Variants in KCND2 observed in about 807,000 individuals in gnomAD.
The protein encoded by KCND2 is potassium voltage-gated channel subfamily D member 2.
KCND2 carries 16 observed loss-of-function variants against 54.4 expected under a neutral mutation model. The observed-to-expected ratio is 0.29, with a 90% CI of 0.20 to 0.45. The LOEUF is 0.45. Ranked by LOEUF, KCND2 falls within the 20% of genes least tolerant of loss-of-function variation. The pLI is 1.00. For missense variants in KCND2, 486 were observed against 824.2 expected (o/e 0.59, Z 5.02); for synonymous variants, 317 against 310.7 (o/e 1.02, Z -0.21).
chr7:120,695,331 A>G (rs1293599412), intron 1 of KCND2, among the ~76,000 whole-genome samples: 3 of 152,120 alleles, frequency 2.0e-5, no homozygotes, highest in African/African-American at 7.2e-5. Flanking sequence ...AACAAAATGC[A>G]GAAAAAGTAT....
chr7:120,593,897 T>C (rs1028708583), intron 1 of KCND2, among the ~76,000 whole-genome samples: 9 of 152,174 alleles, frequency 5.9e-5, no homozygotes, highest in African/African-American at 1.9e-4. Flanking sequence ...AGAACAGTGC[T>C]GAACCTCTAC....
intron 1 of KCND2, among the ~76,000 whole-genome samples, chr7:120,710,158 A>G (rs1464021221): frequency 6.6e-6 from 1 of 152,154 alleles, no homozygotes; most frequent in Non-Finnish European, 1.5e-5. Flanking sequence ...CAAGATAAAG[A>G]TACTTGATTT....
chr7:120,395,867 A>G (rs1801148083), intron 1 of KCND2, among the ~76,000 whole-genome samples: 1 of 151,864 alleles, frequency 6.6e-6, no homozygotes, highest in African/African-American at 2.4e-5. Flanking sequence ...ACTGCATGCT[A>G]TTTTGACCAG....
In KCND2 at chr7:120,462,723, T is replaced by G. The variant is rs193052550; in HGVS notation, c.1115+186976T>G. ...TAATAATTCCTATTTTTCATACGCC[T>G]TACAACTCCTTTCCATGAAAAGAAA... On this transcript the variant is annotated intron_variant, in intron 1 of 5. Transcript: ENST00000331113. Among the ~76,000 whole-genome samples, 194 of 151,974 alleles carry G rather than the reference T, an allele frequency of 1.3e-3. 1 individual carries two copies. Among genetic ancestry groups the G allele is most frequent in the Non-Finnish European group, 1.8e-3 (124 of 67,882 alleles).
intron 1 of KCND2, among the ~76,000 whole-genome samples, chr7:120,327,719 G>A (rs1799998493): frequency 6.6e-6 from 1 of 151,080 alleles, no homozygotes; most frequent in Non-Finnish European, 1.5e-5. Context: ...ACATTATAGT[G>A]CATATTGTCT....
chr7:120,341,093 G>A (rs1239678724), intron 1 of KCND2, among the ~76,000 whole-genome samples: 1 of 152,158 alleles, frequency 6.6e-6, no homozygotes, highest in Non-Finnish European at 1.5e-5. Flanking sequence ...GAGTATATGA[G>A]TTTGGTTGTG....
chr7:120,511,492 A>G (rs1803114525), intron 1 of KCND2, among the ~76,000 whole-genome samples: 1 of 152,178 alleles, frequency 6.6e-6, no homozygotes, highest in South Asian at 2.1e-4. Context: ...AAATCCAAAA[A>G]GAACTGTACA....
intron 1 of KCND2, among the ~76,000 whole-genome samples, chr7:120,443,781 G>A (rs1379426131): frequency 6.6e-6 from 1 of 151,872 alleles, no homozygotes; most frequent in Non-Finnish European, 1.5e-5. Context: ...CTCAACTGGA[G>A]TGCTTTTGGC....
chr7:120,527,179 G>A lies in KCND2; in HGVS notation c.1116-205724G>A, dbSNP rs893660580. ...TTTTATGGTGTTCTGGGAACTGAGG[G>A]AAATGATTCAATTAGCAAGAACACG... On this transcript the variant is annotated intron_variant, in intron 1 of 5. Transcript: ENST00000331113. 1.3e-4 allele frequency among the ~76,000 whole-genome samples: 20 copies of A among 152,048 alleles called. 1 individual carries two copies. The highest frequency in any genetic ancestry group is 4.6e-4 in the African/African-American group (19 of 41,396).
chr7:120,439,687 G>A (rs1194669270), intron 1 of KCND2, among the ~76,000 whole-genome samples: 1 of 151,880 alleles, frequency 6.6e-6, no homozygotes, highest in African/African-American at 2.4e-5. Flanking sequence ...GGGTCTAATA[G>A]CCACAATTCT....
chr7:120,390,584 A>G (rs1801058649), intron 1 of KCND2, among the ~76,000 whole-genome samples: 1 of 152,020 alleles, frequency 6.6e-6, no homozygotes, highest in South Asian at 2.1e-4. Context: ...TTCCTATGCT[A>G]TATACTTCTC....
intron 1 of KCND2, among the ~76,000 whole-genome samples, chr7:120,673,824 G>A (rs1320856932): frequency 6.6e-6 from 1 of 151,892 alleles, no homozygotes; most frequent in African/African-American, 2.4e-5. Context: ...CAGGCATCCT[G>A]AATCACGTGG....
At chr7:120,355,779 G>C (rs988696828) in intron 1 of KCND2, among the ~76,000 whole-genome samples, 3 of 152,152 alleles carry the variant, frequency 2.0e-5, no homozygotes, top group Non-Finnish European at 4.4e-5. Context: ...CTAGGGGACT[G>C]TCTGTATCTT....
At chr7:120,367,915 C>T (rs1466797351) in intron 1 of KCND2, among the ~76,000 whole-genome samples, 1 of 152,074 alleles carries the variant, frequency 6.6e-6, no homozygotes, top group Non-Finnish European at 1.5e-5. Context: ...CAAATATCTG[C>T]TTTACAGGTT....
At chr7:120,356,835 C>T (rs183455516) in intron 1 of KCND2, among the ~76,000 whole-genome samples, 6 of 152,202 alleles carry the variant, frequency 3.9e-5, no homozygotes, top group Admixed American at 6.6e-5. Context: ...CCAGACTAAT[C>T]GCAAGCTCCA....
At chr7:120,484,701 G>GCACACA (rs3067134) in intron 1 of KCND2, among the ~76,000 whole-genome samples, 215 of 137,632 alleles carry the variant, frequency 1.6e-3, no homozygotes, top group African/African-American at 3.9e-3. Context: ...TATATTACAC[G>GCACACA]CACACACACA....
At position 120,289,047 on chromosome 7, in the gene KCND2, C is replaced by CACACACAA. The variant is rs1440579758; in HGVS notation, c.1115+13307_1115+13308insAACACACA. Among the ~76,000 whole-genome samples, 6 of 20,308 alleles carry CACACACAA rather than the reference C, an allele frequency of 3.0e-4. No individual in the cohort carries two copies. The East Asian group carries it at 0.022, about 74-fold the overall frequency. 13.3% of individuals were successfully genotyped at this position (20,308 alleles called of 152,430 possible). A position where few individuals can be genotyped will look rare whatever the true frequency, so the allele number is the denominator to read the frequency against. The stretch of plus-strand genomic sequence containing the variant: ...GAGGGCAGAGACACAAACACACACA[C>CACACACAA]ACACACACACACACACACACACACA... On this transcript the variant is annotated intron_variant, in intron 1 of 5. Coordinates refer to ENST00000331113, the MANE Select transcript of KCND2 (RefSeq NM_012281.3).
At chr7:120,335,831 A>G (rs1250073770) in intron 1 of KCND2, among the ~76,000 whole-genome samples, 1 of 152,206 alleles carries the variant, frequency 6.6e-6, no homozygotes, top group Admixed American at 6.5e-5. Context: ...CCCTGGCAGC[A>G]ATAGTATGGC....
At chr7:120,515,560 G>A (rs1015755604) in intron 1 of KCND2, among the ~76,000 whole-genome samples, 2 of 151,970 alleles carry the variant, frequency 1.3e-5, no homozygotes, top group Non-Finnish European at 2.9e-5. Flanking sequence ...TCTGAAGAAG[G>A]TTCCCGTGGA....
Sources: gnomAD v4.1 joint callset for allele counts (sites outside exome capture counted in the v4.1 genomes callset) on GRCh38, gnomAD v4.1.1 for gene constraint, MANE v1.5 for transcripts, NCBI Gene and HGNC (gene_info 2026-07-23, HGNC 2026-07-21) for gene names.